MGST2: variants seen among roughly 807,000 people sequenced by gnomAD.
MGST2 encodes the protein glutathione peroxidase MGST2.
Under a neutral mutation model 16.6 loss-of-function variants are expected in MGST2, and 9 were observed. The observed-to-expected ratio is 0.54, with a 90% CI of 0.33 to 0.95. The LOEUF (loss-of-function observed/expected upper bound fraction) is 0.95, where lower values mean the gene tolerates loss of function less well. Ranked by LOEUF, MGST2 falls within the 40% of genes least tolerant of loss-of-function variation. The pLI, the probability that MGST2 is intolerant of heterozygous loss-of-function variation, is 0.03. For missense variants in MGST2, 159 were observed against 175.1 expected, an observed-to-expected ratio of 0.91 and a Z score of 0.52; for synonymous variants, 79 against 68.0, an observed-to-expected ratio of 1.16 and a Z score of -0.79.
At chr4:139,743,076 A>G (rs114881676), downstream of MGST2, among the ~76,000 whole-genome samples, 2,742 of 152,190 alleles carry the variant, frequency 0.018, 47 homozygotes, top group Non-Finnish European at 0.028. Context: ...TTTCTCCTCT[A>G]GCTAGTTGAC....
At chr4:139,711,086 C>T (rs1159327139) in intron 5 of MGST2, among the ~76,000 whole-genome samples, 1 of 151,344 alleles carries the variant, frequency 6.6e-6, no homozygotes, top group Non-Finnish European at 1.5e-5. Flanking sequence ...TGATCACAAT[C>T]CACTGCAGCC....
chr4:139,699,094 T>C (rs1028030301), intron 3 of MGST2, among the ~76,000 whole-genome samples: 3 of 152,262 alleles, frequency 2.0e-5, no homozygotes, highest in African/African-American at 7.2e-5. Flanking sequence ...CACTTTTTAC[T>C]GCGATACGCA....
the MGST2 span, among the ~76,000 whole-genome samples, chr4:139,747,146 T>A: frequency 6.6e-6 from 1 of 152,212 alleles, no homozygotes; most frequent in Non-Finnish European, 1.5e-5. Flanking sequence ...GGGAAGTCAA[T>A]CCTTAAATGA....
chr4:139,703,920 TG>T, intron 4 of MGST2, 95 bp from the exon 5 acceptor site: 1 of 1,501,468 alleles, frequency 6.7e-7, no homozygotes, highest in Non-Finnish European at 9.3e-7. Context: ...ATAGAAGTTC[TG>T]GACAGTGTTA....
chr4:139,739,769 T>C (rs1729095691), intron 5 of MGST2, among the ~76,000 whole-genome samples: 2 of 149,320 alleles, frequency 1.3e-5, no homozygotes, highest in Admixed American at 6.7e-5. Flanking sequence ...AGCCACTGGA[T>C]AGTCTTGTTA....
At chr4:139,669,977 G>A (rs534655820) in intron 1 of MGST2, among the ~76,000 whole-genome samples, 2 of 152,192 alleles carry the variant, frequency 1.3e-5, no homozygotes, top group Middle Eastern at 3.2e-3. Flanking sequence ...GGCTTAATCT[G>A]GTGGGAAAGT....
chr4:139,673,101 C>G (rs374046439), intron 1 of MGST2, among the ~76,000 whole-genome samples: 34 of 152,208 alleles, frequency 2.2e-4, no homozygotes, highest in East Asian at 7.7e-4. Context: ...TAAAAGGAAA[C>G]ATTTTTAAAA....
At chr4:139,718,158 T>G (rs1045823196) in intron 5 of MGST2, 4 of 152,182 alleles carry the variant, frequency 2.6e-5, no homozygotes. Flanking sequence ...TTCCTGGGGA[T>G]ATCAGAAATA....
chr4:139,688,945 A>T (rs903861697), intron 2 of MGST2, among the ~76,000 whole-genome samples: 7 of 152,014 alleles, frequency 4.6e-5, no homozygotes, highest in Non-Finnish European at 8.8e-5. Context: ...CGTCTCTACT[A>T]AAAATTACAA....
chr4:139,681,962 G>A (rs1324858388), intron 2 of MGST2, among the ~76,000 whole-genome samples: 4 of 152,086 alleles, frequency 2.6e-5, no homozygotes, highest in South Asian at 2.1e-4. Flanking sequence ...AGGCCCAGGC[G>A]GGAGAACTGC....
chr4:139,671,000 C>T (rs1440553666), intron 1 of MGST2, among the ~76,000 whole-genome samples: 1 of 152,144 alleles, frequency 6.6e-6, no homozygotes, highest in East Asian at 1.9e-4. Flanking sequence ...AAGAACTGGC[C>T]TAATGAGATT....
At chr4:139,723,525 T>C (rs1468319254) in intron 5 of MGST2, among the ~76,000 whole-genome samples, 1 of 152,182 alleles carries the variant, frequency 6.6e-6, no homozygotes, top group Non-Finnish European at 1.5e-5. Context: ...TTGGTCAGGC[T>C]GGTCTCGAAC....
chr4:139,729,948 C>T (rs765969146), intron 5 of MGST2, among the ~76,000 whole-genome samples: 8 of 152,214 alleles, frequency 5.3e-5, no homozygotes, highest in Non-Finnish European at 1.0e-4. Context: ...GCTATTGTTC[C>T]TGATCCATTG....
intron 5 of MGST2, among the ~76,000 whole-genome samples, chr4:139,720,540 A>AAGTC (rs1480241524): frequency 2.0e-5 from 3 of 151,342 alleles, no homozygotes; most frequent in Non-Finnish European, 4.4e-5. Context: ...ACAAAAATTA[A>AAGTC]AGTCACCTGA....
chr4:139,695,887 CCA>C (rs140259326), intron 3 of MGST2, among the ~76,000 whole-genome samples: 1 of 151,956 alleles, frequency 6.6e-6, no homozygotes, highest in Non-Finnish European at 1.5e-5. Context: ...ACCCCCCGCC[CCA>C]CACACACACA....
Position 139,665,904 on chromosome 4 carries a change from G to A in MGST2, c.-116G>A. On this transcript the variant is annotated 5_prime_UTR_variant, in exon 1 of 5. Coordinates refer to ENST00000265498, the MANE Select transcript of MGST2 (RefSeq NM_002413.5). ...AAAGGTCATTCAGCCGCTTGAATCAGCCTTTTCCCCCCACCCGGTCCCCAA... is the reference window on the plus strand; with the variant it reads ...AAAGGTCATTCAGCCGCTTGAATCAACCTTTTCCCCCCACCCGGTCCCCAA... The A allele has an allele frequency of 9.9e-7, 1 of 1,014,326 alleles. No homozygotes were observed. The highest frequency in any genetic ancestry group is 1.5e-6 in the Non-Finnish European group (1 of 651,744). The allele number at this position is 1,014,326 out of a possible 1,614,324, so 62.8% of individuals were successfully genotyped here. A position where few individuals can be genotyped will look rare whatever the true frequency, so the allele number is the denominator to read the frequency against.
At chr4:139,726,019 G>A (rs967536639) in intron 5 of MGST2, among the ~76,000 whole-genome samples, 3 of 152,238 alleles carry the variant, frequency 2.0e-5, no homozygotes, top group Admixed American at 1.3e-4. Flanking sequence ...TTCACAAAAC[G>A]AACACACTCA....
chr4:139,710,237 A>T (rs542693832), intron 5 of MGST2, among the ~76,000 whole-genome samples: 2 of 152,222 alleles, frequency 1.3e-5, no homozygotes, highest in Admixed American at 6.5e-5. Context: ...ATTGAATGCT[A>T]TGGAATGTTC....
chr4:139,748,226 G>A, the MGST2 span, among the ~76,000 whole-genome samples: 5 of 152,126 alleles, frequency 3.3e-5, no homozygotes, highest in Admixed American at 2.6e-4. Context: ...TAAACAGGAA[G>A]ATGGGAATTG....
Sources: gnomAD v4.1 joint callset for allele counts (sites outside exome capture counted in the v4.1 genomes callset) on GRCh38, gnomAD v4.1.1 for gene constraint, MANE v1.5 for transcripts, NCBI Gene and HGNC (gene_info 2026-07-23, HGNC 2026-07-21) for gene names.